The following DNMT3A variants were observed in gnomAD, a reference collection of about 807,000 sequenced individuals.
DNMT3A encodes DNA (cytosine-5)-methyltransferase 3A.
DNMT3A carries 267 observed loss-of-function variants against 117.6 expected under a neutral mutation model. That is an observed-to-expected ratio of 2.27 (90% CI 2.05 to 2.51). The LOEUF is 2.51. Ranked by LOEUF, DNMT3A falls within the 30% of genes most tolerant of loss-of-function variation. DNMT3A has a pLI of 0.00. For synonymous variants in DNMT3A, 432 were observed against 474.8 expected (o/e 0.91, Z 1.17); for missense variants, 1,029 against 1,260.2 (o/e 0.82, Z 2.78).
intron 6 of DNMT3A, among the ~76,000 whole-genome samples, chr2:25,268,590 G>A (rs1372680684): frequency 6.6e-6 from 1 of 152,144 alleles, no homozygotes; most frequent in Non-Finnish European, 1.5e-5. Context: ...CTTCCTTTGG[G>A]AGGAGGAACT....
In DNMT3A at chr2:25,241,700, C is replaced by T; in HGVS notation, c.1944G>A (p.Leu648=). The part of the protein sequence containing the change: ...SLFDGIATGL[L]VLKDLGIQVD... The stretch of plus-strand genomic sequence containing the variant: ...CCTGAATGCCCAAGTCCTTCAGCAC[C>T]AGGAGCCCTGCACCAGCCAGCAGAC... Residue 648 remains leucine, a synonymous_variant, in exon 17 of 23, where the codon CTG becomes CTA. Transcript: ENST00000321117. 1.2e-6 allele frequency: 2 copies of T among 1,613,850 alleles called. No individual in the cohort carries two copies. Among genetic ancestry groups the T allele is most frequent in the Non-Finnish European group, 1.7e-6 (2 of 1,179,884 alleles).
chr2:25,300,329 C>T, intron 2 of DNMT3A, 86 bp from the exon 3 acceptor site: 1 of 1,441,330 alleles, frequency 6.9e-7, no homozygotes, highest in Non-Finnish European at 9.3e-7. Context: ...GCCCTGGCTT[C>T]CCTTCCAGCC....
At chr2:25,334,157 G>A (rs2035120049) in intron 1 of DNMT3A, among the ~76,000 whole-genome samples, 1 of 152,290 alleles carries the variant, frequency 6.6e-6, no homozygotes, top group South Asian at 2.1e-4. Flanking sequence ...AGCCCCAAGA[G>A]GCACCCATGG....
intron 2 of DNMT3A, among the ~76,000 whole-genome samples, chr2:25,308,531 C>T (rs2033903119): frequency 6.6e-6 from 1 of 152,166 alleles, no homozygotes; most frequent in African/African-American, 2.4e-5. Context: ...GTTTACATCA[C>T]AAACCTGCTA....
chr2:25,265,655 T>C (rs1177428489), intron 6 of DNMT3A, among the ~76,000 whole-genome samples: 1 of 151,802 alleles, frequency 6.6e-6, no homozygotes, highest in Non-Finnish European at 1.5e-5. Flanking sequence ...CCATCTCTCC[T>C]AAAAATACAA....
In DNMT3A at chr2:25,271,976, G is replaced by A. The variant is rs1311788518; in HGVS notation, c.639+2965C>T. On this transcript the variant is annotated intron_variant, in intron 6 of 22. Coordinates refer to ENST00000321117, the MANE Select transcript of DNMT3A (RefSeq NM_022552.5). The stretch of plus-strand genomic sequence containing the variant: ...TCTGCATATGTTAGAAAATGTTCAT[G>A]AGTTTTACAAAGTCTGTTTTGTTTT... Among the ~76,000 whole-genome samples, 3 of 152,186 alleles carry A rather than the reference G, an allele frequency of 2.0e-5. No individual in the cohort carries two copies. In the East Asian group the frequency reaches 5.8e-4, roughly 29 times the overall value.
At position 25,234,037 on chromosome 2, in the gene DNMT3A, G is replaced by C. The variant is rs1284207581; in HGVS notation, c.*242C>G. On this transcript the variant is annotated 3_prime_UTR_variant, in exon 23 of 23. Coordinates refer to ENST00000321117, the MANE Select transcript of DNMT3A (RefSeq NM_022552.5). The surrounding 1 kb of genome is among the most constrained non-coding windows in gnomAD (Gnocchi z 4.5). ...AAGGGGGAGGAAGGGAAGGGAGCTT[G>C]GTTTTGTTTTTAAATAGGACTGAAG... The C allele has an allele frequency of 2.4e-6, 1 of 411,324 alleles. No homozygotes were observed. Among genetic ancestry groups the C allele is most frequent in the Non-Finnish European group, 4.0e-6 (1 of 247,922 alleles). The allele number at this position is 411,324 out of a possible 1,614,324, so 25.5% of individuals were successfully genotyped here.
intron 3 of DNMT3A, among the ~76,000 whole-genome samples, chr2:25,295,761 C>T (rs137958955): frequency 6.6e-6 from 1 of 152,310 alleles, no homozygotes; most frequent in Non-Finnish European, 1.5e-5. Flanking sequence ...ATAATGAAAG[C>T]GGTCCCCAAC....
At chr2:25,266,022 A>G (rs2030307416) in intron 6 of DNMT3A, among the ~76,000 whole-genome samples, 1 of 151,970 alleles carries the variant, frequency 6.6e-6, no homozygotes, top group East Asian at 1.9e-4. Flanking sequence ...TTTTCTCACC[A>G]CTAAAAAGTA....
intron 6 of DNMT3A, among the ~76,000 whole-genome samples, chr2:25,260,203 G>A (rs1180008429): frequency 6.6e-6 from 1 of 152,242 alleles, no homozygotes; most frequent in Non-Finnish European, 1.5e-5. Flanking sequence ...CAATACATCT[G>A]TGTGGGAATC....
In DNMT3A at chr2:25,240,370, A is replaced by AGAAGGGGCTTT; in HGVS notation, c.2253_2254insAAAGCCCCTTC (p.Phe752LysfsTer31). 6.2e-7 allele frequency: 1 copy of AGAAGGGGCTTT among 1,614,142 alleles called. No individual in the cohort carries two copies. The highest frequency in any genetic ancestry group is 8.5e-7 in the Non-Finnish European group (1 of 1,179,990). On this transcript the variant is annotated frameshift_variant, in exon 19 of 23. Transcript: ENST00000321117. LOFTEE classifies it high-confidence loss of function. ...GCCACCACATTCTCAAAGAGCCAGA[A>AGAAGGGGCTTT]GAAGGGGCGATCATCTCCCTCCTTG...
chr2:25,267,706 C>G (rs1186776932), intron 6 of DNMT3A, among the ~76,000 whole-genome samples: 2 of 152,184 alleles, frequency 1.3e-5, no homozygotes, highest in African/African-American at 4.8e-5. Flanking sequence ...GTGCTAGGAG[C>G]TTTAAATGTT....
At chr2:25,246,814 A>G (rs2149303942) in intron 9 of DNMT3A, 38 bp from the exon 10 acceptor site, 2 of 1,604,948 alleles carry the variant, frequency 1.2e-6, no homozygotes, top group South Asian at 1.1e-5. Flanking sequence ...TTGTCAGGAC[A>G]GGCTGGAAGG....
At chr2:25,276,995 C>G (rs2031472008) in intron 4 of DNMT3A, among the ~76,000 whole-genome samples, 1 of 151,882 alleles carries the variant, frequency 6.6e-6, no homozygotes, top group Admixed American at 6.5e-5. Flanking sequence ...CAGCGCTGTC[C>G]TCCGTGGTTC....
Position 25,327,904 on chromosome 2 carries a change from C to A in DNMT3A, c.-177-13743G>T, listed in dbSNP as rs1448002513. On this transcript the variant is annotated intron_variant, in intron 1 of 22. Coordinates refer to ENST00000321117, the MANE Select transcript of DNMT3A (RefSeq NM_022552.5). The surrounding 1 kb of genome is among the most constrained non-coding windows in gnomAD (Gnocchi z 4.1). ...TCAGGTCCCACCTTTCCCCTGGGTC[C>A]TCACATCCAGCAGGTACCTGGTCCT... Among the ~76,000 whole-genome samples the A allele has an allele frequency of 1.1e-4, 17 of 152,172 alleles. No individual in the cohort carries two copies. The highest frequency in any genetic ancestry group is 1.1e-3 in the Admixed American group (17 of 15,276).
chr2:25,293,130 T>C lies in DNMT3A; in HGVS notation c.177+7009A>G, dbSNP rs6716477. Among the ~76,000 whole-genome samples the C allele has an allele frequency of 0.012, 1,852 of 152,258 alleles. 39 individuals carry two copies. The highest frequency in any genetic ancestry group is 0.042 in the African/African-American group (1,742 of 41,542). On this transcript the variant is annotated intron_variant, in intron 3 of 22. Transcript: ENST00000321117. This position sits in a 1 kb window ranked among gnomAD's most constrained non-coding sequence, Gnocchi z 4.7. ...TCTGCTCCCTTCCAGAAGCCTTGTC[T>C]CTGACAACAACGCTGATGCTGTCCC...
In DNMT3A at chr2:25,339,816, C is replaced by G. The variant is rs1381790014; in HGVS notation, c.-178+2010G>C. Among the ~76,000 whole-genome samples, 1 of 152,238 alleles carries G rather than the reference C, an allele frequency of 6.6e-6. No individual in the cohort carries two copies. Among genetic ancestry groups the G allele is most frequent in the Non-Finnish European group, 1.5e-5 (1 of 68,040 alleles). ...GGCCCCCCAAATCCCACAGGCCAGT[C>G]CTAACACCCAGGCAATAGCAAGGCG... is the stretch of plus-strand genomic sequence containing the variant. On this transcript the variant is annotated intron_variant, in intron 1 of 22. Transcript: ENST00000321117. The surrounding 1 kb of genome is among the most constrained non-coding windows in gnomAD (Gnocchi z 4.9).
chr2:25,338,958 C>T (rs954825492), intron 1 of DNMT3A, among the ~76,000 whole-genome samples: 1 of 152,128 alleles, frequency 6.6e-6, no homozygotes, highest in East Asian at 1.9e-4. Flanking sequence ...CACAAACCTA[C>T]AGGATACACA....
chr2:25,281,711 A>T lies in DNMT3A; in HGVS notation c.448+730T>A. On this transcript the variant is annotated intron_variant, in intron 4 of 22. Transcript: ENST00000321117. This position sits in a 1 kb window ranked among gnomAD's most constrained non-coding sequence, Gnocchi z 4.8. ...AATGCTAGTTGTCCTCATTACTAAC[A>T]TGTTTACAGCTCGGTTGGCCCTGAA... The T allele has an allele frequency of 9.4e-7, 1 of 1,065,892 alleles. No homozygotes were observed. Among genetic ancestry groups the T allele is most frequent in the Non-Finnish European group, 1.1e-6 (1 of 879,594 alleles). 66.0% of individuals were successfully genotyped at this position (1,065,892 alleles called of 1,614,324 possible).
Sources: gnomAD v4.1 joint callset for allele counts (sites outside exome capture counted in the v4.1 genomes callset) on GRCh38, gnomAD v4.1.1 for gene constraint, Gnocchi (gnomAD v3.1) non-coding constraint, MANE v1.5 for transcripts, NCBI Gene and HGNC (gene_info 2026-07-23, HGNC 2026-07-21) for gene names.